The following ADIPOR2 variants were observed in gnomAD, a reference collection of about 807,000 sequenced individuals.
ADIPOR2 encodes the protein adiponectin receptor 2, also known as adiponectin receptor protein 2.
Under a neutral mutation model 40.9 loss-of-function variants are expected in ADIPOR2, and 18 were observed. The observed-to-expected ratio is 0.44, with a 90% CI of 0.30 to 0.65. The LOEUF is 0.65. ADIPOR2 is among the 30% of genes least tolerant of loss of function. ADIPOR2 has a pLI of 0.09. For synonymous variants in ADIPOR2, 165 were observed against 166.4 expected (o/e 0.99, Z 0.06); for missense variants, 283 against 479.2 (o/e 0.59, Z 3.82).
At chr12:1,712,135 G>A (rs997553775) in intron 1 of ADIPOR2, among the ~76,000 whole-genome samples, 6 of 152,086 alleles carry the variant, frequency 3.9e-5, no homozygotes, top group Admixed American at 1.3e-4. Context: ...TGCCATCAGT[G>A]TATAGGTTAA....
intron 1 of ADIPOR2, among the ~76,000 whole-genome samples, chr12:1,734,817 A>T (rs1005666925): frequency 6.6e-6 from 1 of 152,244 alleles, no homozygotes; most frequent in African/African-American, 2.4e-5. Context: ...AGCTTTCTAC[A>T]TATGGCTAGC....
chr12:1,775,354 A>G (rs570414004), intron 3 of ADIPOR2, among the ~76,000 whole-genome samples: 1 of 152,262 alleles, frequency 6.6e-6, no homozygotes, highest in East Asian at 1.9e-4. Flanking sequence ...CCAGGTTGAG[A>G]ATGAGGGTGC....
rs1206674243 is a variant in ADIPOR2 at position 1,786,525 on chromosome 12, T to G, written c.*453T>G. ...GGGAGTGTGATTTTAAATGCTCTTT[T>G]GGGAGAACAAAGAAATTAATGTAAA... On this transcript the variant is annotated 3_prime_UTR_variant, in exon 8 of 8. Coordinates refer to ENST00000357103, the MANE Select transcript of ADIPOR2 (RefSeq NM_024551.3). 1 of 155,468 alleles carries G rather than the reference T, an allele frequency of 6.4e-6. No homozygotes were observed. Among genetic ancestry groups the G allele is most frequent in the Admixed American group, 6.4e-5 (1 of 15,552 alleles). 9.6% of individuals were successfully genotyped at this position (155,468 alleles called of 1,614,324 possible).
At chr12:1,765,287 T>A (rs1862353797) in intron 2 of ADIPOR2, among the ~76,000 whole-genome samples, 1 of 152,188 alleles carries the variant, frequency 6.6e-6, no homozygotes, top group African/African-American at 2.4e-5. Flanking sequence ...AGACATTTAT[T>A]CAGTCTACAG....
At chr12:1,783,830 GCT>G (rs1166673116) in intron 6 of ADIPOR2, 48 bp from the exon 7 acceptor site, 2 of 1,447,592 alleles carry the variant, frequency 1.4e-6, no homozygotes, top group South Asian at 2.8e-5. Flanking sequence ...CTGACTTCTG[GCT>G]CTTTGTTTCT....
chr12:1,756,160 A>AT (rs578175210), intron 2 of ADIPOR2, among the ~76,000 whole-genome samples: 410 of 150,936 alleles, frequency 2.7e-3, no homozygotes, highest in Non-Finnish European at 4.1e-3. Flanking sequence ...TTATAATTAT[A>AT]TTTTTTTTGA....
chr12:1,733,130 C>T (rs1411790666), intron 1 of ADIPOR2, among the ~76,000 whole-genome samples: 1 of 152,112 alleles, frequency 6.6e-6, no homozygotes, highest in Non-Finnish European at 1.5e-5. Context: ...TAGAAAAAAA[C>T]AAAGAACTTT....
chr12:1,757,156 C>G (rs1862150285), intron 2 of ADIPOR2: 1 of 280,190 alleles, frequency 3.6e-6, no homozygotes, highest in African/African-American at 2.2e-5. Context: ...TTCATAATGG[C>G]AATAAAATTC....
At chr12:1,706,655 A>T (rs1407324819) in intron 1 of ADIPOR2, among the ~76,000 whole-genome samples, 2 of 152,176 alleles carry the variant, frequency 1.3e-5, no homozygotes, top group African/African-American at 4.8e-5. Context: ...GTGCAGTTAG[A>T]TGACTTTTGA....
intron 7 of ADIPOR2, among the ~76,000 whole-genome samples, chr12:1,785,610 G>C (rs1369228672): frequency 1.3e-5 from 2 of 151,760 alleles, no homozygotes; most frequent in Admixed American, 6.6e-5. Flanking sequence ...TTTGTGGCCT[G>C]TTAGCAAGAG....
chr12:1,697,145 A>G (rs2094640857), intron 1 of ADIPOR2: 1 of 152,182 alleles, frequency 6.6e-6, no homozygotes. Context: ...GTTAACTCAA[A>G]CCTCTGCTTA....
intron 1 of ADIPOR2, among the ~76,000 whole-genome samples, chr12:1,736,300 A>G (rs988153072): frequency 3.9e-5 from 6 of 152,144 alleles, no homozygotes; most frequent in African/African-American, 1.2e-4. Flanking sequence ...CAGAGATTCA[A>G]CTTCTTCCTG....
chr12:1,714,021 A>T (rs1483023887), intron 1 of ADIPOR2, among the ~76,000 whole-genome samples: 1 of 152,030 alleles, frequency 6.6e-6, no homozygotes, highest in Non-Finnish European at 1.5e-5. Flanking sequence ...GTCCTGTTGG[A>T]TCATCTGGTT....
rs558518729 is a variant in ADIPOR2 at position 1,774,514 on chromosome 12, G to A, written c.291+1553G>A. ...AAACCAGCCGTGTCTAGTGGCACAGGGATTCTATTTCTTGGACTGGAAGCA... is the reference window on the plus strand; with the variant it reads ...AAACCAGCCGTGTCTAGTGGCACAGAGATTCTATTTCTTGGACTGGAAGCA... On this transcript the variant is annotated intron_variant, in intron 3 of 7. Coordinates refer to ENST00000357103, the MANE Select transcript of ADIPOR2 (RefSeq NM_024551.3). 3.9e-5 allele frequency among the ~76,000 whole-genome samples: 6 copies of A among 152,240 alleles called. No individual in the cohort carries two copies. The South Asian group carries it at 8.3e-4, about 21-fold the overall frequency.
intron 1 of ADIPOR2, among the ~76,000 whole-genome samples, chr12:1,736,603 T>C (rs1373764170): frequency 1.3e-5 from 2 of 152,232 alleles, no homozygotes; most frequent in Admixed American, 6.5e-5. Context: ...TTTTTGTGTC[T>C]CTATCCCCTT....
intron 1 of ADIPOR2, among the ~76,000 whole-genome samples, chr12:1,707,519 G>C (rs2094665899): frequency 6.6e-6 from 1 of 151,940 alleles, no homozygotes; most frequent in African/African-American, 2.4e-5. Context: ...CTGTTGTCCA[G>C]GTTGATGTGA....
At position 1,757,702 on chromosome 12, in the gene ADIPOR2, G is replaced by A. The variant is rs1038282697; in HGVS notation, c.171+3188G>A. On this transcript the variant is annotated intron_variant, in intron 2 of 7. Transcript: ENST00000357103. The stretch of plus-strand genomic sequence containing the variant: ...AGGATGTACAGCAAAGCGACCCTTG[G>A]TGTCATAGATGAGACGGAAATTCTC... 1.1e-5 allele frequency: 15 copies of A among 1,312,726 alleles called. No individual in the cohort carries two copies. The African/African-American group carries it at 1.9e-4, about 16-fold the overall frequency. 81.3% of individuals were successfully genotyped at this position (1,312,726 alleles called of 1,614,324 possible). A position where few individuals can be genotyped will look rare whatever the true frequency, so the allele number is the denominator to read the frequency against.
chr12:1,707,888 G>A (rs1329597411), intron 1 of ADIPOR2, among the ~76,000 whole-genome samples: 1 of 151,960 alleles, frequency 6.6e-6, no homozygotes, highest in African/African-American at 2.4e-5. Flanking sequence ...TTTTAAAAAA[G>A]CTTTTAAAAA....
At chr12:1,785,731 G>A (rs542518752) in intron 7 of ADIPOR2, among the ~76,000 whole-genome samples, 9 of 150,150 alleles carry the variant, frequency 6.0e-5, no homozygotes, top group African/African-American at 2.2e-4. Flanking sequence ...CAGCACCTTG[G>A]TTTCTTTGGG....
Sources: allele counts gnomAD v4.1 joint callset (sites outside exome capture counted in the v4.1 genomes callset), GRCh38; gene constraint gnomAD v4.1.1; transcripts MANE v1.5; gene names NCBI Gene and HGNC (gene_info 2026-07-23, HGNC 2026-07-21).